The following NBEA variants were observed in gnomAD, a reference collection of about 807,000 sequenced individuals.
NBEA encodes the protein lysosomal-trafficking regulator 2.
A neutral mutation model predicts 343.4 loss-of-function variants in NBEA; 44 were observed. The observed-to-expected ratio is 0.13, with a 90% CI of 0.10 to 0.16. NBEA has a LOEUF of 0.16. Ranked by LOEUF, NBEA falls within the 10% of genes least tolerant of loss-of-function variation. NBEA has a pLI of 1.00. For missense variants in NBEA, 2,555 were observed against 3,631.3 expected (o/e 0.70, Z 7.62); for synonymous variants, 1,175 against 1,238.7 (o/e 0.95, Z 1.08).
At chr13:35,361,079 A>AC (rs1409960910) in intron 38 of NBEA, among the ~76,000 whole-genome samples, 2 of 152,058 alleles carry the variant, frequency 1.3e-5, no homozygotes, top group Non-Finnish European at 2.9e-5. Flanking sequence ...TCTTCTGAAA[A>AC]CCAAGGTAAA....
intron 47 of NBEA, among the ~76,000 whole-genome samples, chr13:35,594,457 A>ATTGTAACATATCTGTGTGTTTTAC (rs2081672905): frequency 6.6e-6 from 1 of 152,144 alleles, no homozygotes; most frequent in Non-Finnish European, 1.5e-5. Context: ...AGCCAAGTAG[A>ATTGTAACATATCTGTGTGTTTTAC]TTGTAACATA....
intron 45 of NBEA, among the ~76,000 whole-genome samples, chr13:35,574,593 A>T (rs1387843153): frequency 1.3e-5 from 2 of 152,050 alleles, no homozygotes; most frequent in African/African-American, 4.8e-5. Flanking sequence ...CATTCCTGTG[A>T]AAGTGCCTAA....
Position 35,646,363 on chromosome 13 carries a change from C to T in NBEA, c.7770+15C>T, listed in dbSNP as rs1157458083. The T allele has an allele frequency of 6.3e-6, 10 of 1,594,000 alleles. No individual in the cohort carries two copies. Among genetic ancestry groups the T allele is most frequent in the Non-Finnish European group, 7.7e-6 (9 of 1,163,360 alleles). On this transcript the variant is annotated intron_variant, in intron 51 of 58. Transcript: ENST00000379939. ...CCATGCACCTGGTAAGACATATCAG[C>T]ATGTTGAGATTTTTTTTTCTTTCCT...
intron 41 of NBEA, among the ~76,000 whole-genome samples, chr13:35,537,555 G>GT (rs971715398): frequency 6.6e-6 from 1 of 152,146 alleles, no homozygotes; most frequent in African/African-American, 2.4e-5. Flanking sequence ...TACATTTGCG[G>GT]TAAGTGCTGT....
intron 18 of NBEA, among the ~76,000 whole-genome samples, chr13:35,155,314 T>G (rs1314955515): frequency 6.6e-6 from 1 of 151,938 alleles, no homozygotes; most frequent in East Asian, 1.9e-4. Context: ...TTTAGAAGTA[T>G]GTGGAATTCA....
chr13:35,147,067 A>G (rs915448560), intron 18 of NBEA, among the ~76,000 whole-genome samples: 1 of 152,168 alleles, frequency 6.6e-6, no homozygotes, highest in Non-Finnish European at 1.5e-5. Flanking sequence ...TTATTTTATC[A>G]TAGTCCACAG....
intron 37 of NBEA, among the ~76,000 whole-genome samples, chr13:35,351,836 T>G (rs2040217157): frequency 6.6e-6 from 1 of 152,038 alleles, no homozygotes. Context: ...CTATATTGGC[T>G]TGATAAACAA....
At chr13:35,023,995 A>G (rs1158355056) in intron 1 of NBEA, among the ~76,000 whole-genome samples, 1 of 152,176 alleles carries the variant, frequency 6.6e-6, no homozygotes, top group Non-Finnish European at 1.5e-5. Context: ...ACTCTCAGGT[A>G]GGCCCTGGTG....
intron 39 of NBEA, among the ~76,000 whole-genome samples, chr13:35,451,134 T>C (rs2046288413): frequency 6.6e-6 from 1 of 152,178 alleles, no homozygotes. Flanking sequence ...TTTGTTTGTT[T>C]GTTTGTTGAG....
chr13:35,173,440 A>G (rs1721836678), intron 26 of NBEA, 24 bp from the exon 27 acceptor site: 4 of 1,554,294 alleles, frequency 2.6e-6, no homozygotes, highest in Non-Finnish European at 3.5e-6. Context: ...TATATTAACA[A>G]TATGTTTTTG....
intron 41 of NBEA, among the ~76,000 whole-genome samples, chr13:35,546,485 GT>G (rs2079064998): frequency 6.6e-6 from 1 of 151,758 alleles, no homozygotes; most frequent in Admixed American, 6.6e-5. Context: ...AAGAGATAGA[GT>G]TACATGATAA....
At chr13:35,429,834 T>TGTGTGTGTGC (rs1555262949) in intron 38 of NBEA, among the ~76,000 whole-genome samples, 4 of 148,546 alleles carry the variant, frequency 2.7e-5, no homozygotes, top group Middle Eastern at 3.4e-3. Flanking sequence ...TGTGTGTGTG[T>TGTGTGTGTGC]ACACACATTT....
At chr13:35,666,928 G>A (rs1041689266) in intron 56 of NBEA, among the ~76,000 whole-genome samples, 3 of 152,174 alleles carry the variant, frequency 2.0e-5, no homozygotes, top group African/African-American at 4.8e-5. Flanking sequence ...AAGGTAAAAT[G>A]TACTTGACGG....
intron 6 of NBEA, among the ~76,000 whole-genome samples, chr13:35,055,666 C>T (rs1470513322): frequency 6.6e-6 from 1 of 152,144 alleles, no homozygotes; most frequent in Admixed American, 6.5e-5. Flanking sequence ...TCTAGGAGAA[C>T]TGGTCAGCCT....
At chr13:35,428,126 G>A (rs901160337) in intron 38 of NBEA, among the ~76,000 whole-genome samples, 5 of 152,120 alleles carry the variant, frequency 3.3e-5, no homozygotes, top group East Asian at 1.9e-4. Context: ...CACACGATCC[G>A]CTGCACCCAC....
chr13:35,505,809 A>G (rs771331319), intron 41 of NBEA, among the ~76,000 whole-genome samples: 1 of 152,182 alleles, frequency 6.6e-6, no homozygotes, highest in Non-Finnish European at 1.5e-5. Context: ...TGAATATTCA[A>G]TTAATTGATT....
intron 1 of NBEA, among the ~76,000 whole-genome samples, chr13:35,014,532 A>G (rs974586018): frequency 1.3e-5 from 2 of 152,186 alleles, no homozygotes; most frequent in African/African-American, 4.8e-5. Flanking sequence ...GGGCTTGGAG[A>G]AGAAGTAAAC....
chr13:35,238,037 A>C (rs1362602135), intron 34 of NBEA, among the ~76,000 whole-genome samples: 1 of 152,222 alleles, frequency 6.6e-6, no homozygotes, highest in African/African-American at 2.4e-5. Flanking sequence ...GGATTTTTGA[A>C]GACAGTAATT....
intron 36 of NBEA, among the ~76,000 whole-genome samples, chr13:35,338,809 G>A (rs1424912267): frequency 1.3e-5 from 2 of 151,930 alleles, no homozygotes; most frequent in South Asian, 2.1e-4. Context: ...TGATTAAATG[G>A]GATTTATTCC....
Sources: gnomAD v4.1 joint callset for allele counts (sites outside exome capture counted in the v4.1 genomes callset) on GRCh38, gnomAD v4.1.1 for gene constraint, MANE v1.5 for transcripts, NCBI Gene and HGNC (gene_info 2026-07-23, HGNC 2026-07-21) for gene names.